The following PVT1 variants were observed in gnomAD, a reference collection of about 807,000 sequenced individuals.
PVT1 encodes CXCR4/PVT1 fusion.
intron 2 of PVT1, among the ~76,000 whole-genome samples, chr8:127,859,020 C>T (rs1437353185): frequency 6.6e-6 from 1 of 151,808 alleles, no homozygotes; most frequent in East Asian, 1.9e-4. Context: ...GTTGCCCAGG[C>T]TGGTCTTCAA....
intron 2 of PVT1, chr8:127,855,271 A>G (rs1815148824): frequency 5.0e-6 from 2 of 398,596 alleles, no homozygotes; most frequent in Non-Finnish European, 8.8e-6. Context: ...TTCATCGCTG[A>G]GGTGGATGGA....
chr8:127,914,359 T>C (rs1815953847), intron 3 of PVT1, among the ~76,000 whole-genome samples: 1 of 145,334 alleles, frequency 6.9e-6, no homozygotes, highest in Non-Finnish European at 1.5e-5. Flanking sequence ...TGTACATTGC[T>C]GGTAGGAATG....
chr8:127,800,677 A>G (rs950505434), intron 2 of PVT1, among the ~76,000 whole-genome samples: 1 of 151,898 alleles, frequency 6.6e-6, no homozygotes, highest in African/African-American at 2.4e-5. Context: ...TCTCCCACTA[A>G]ATTGTAACCC....
intron 2 of PVT1, among the ~76,000 whole-genome samples, chr8:127,889,916 G>T (rs1239792693): frequency 1.3e-5 from 2 of 152,176 alleles, no homozygotes; most frequent in Non-Finnish European, 2.9e-5. Context: ...CCAGCCCTAG[G>T]CATTGTGGAT....
At chr8:128,006,059 C>A (rs181761156) in intron 4 of PVT1, among the ~76,000 whole-genome samples, 1 of 150,496 alleles carries the variant, frequency 6.6e-6, no homozygotes, top group Non-Finnish European at 1.5e-5. Context: ...GCTGAGATTG[C>A]GCCACTGCAC....
intron 4 of PVT1, among the ~76,000 whole-genome samples, chr8:128,047,627 G>A (rs1474618775): frequency 1.3e-5 from 2 of 152,282 alleles, no homozygotes; most frequent in African/African-American, 4.8e-5. Flanking sequence ...AGAAACACAT[G>A]CATGATGAGA....
rs777551571 is a variant in PVT1 at position 128,008,885 on chromosome 8, GC to G, written n.912+19595del. 20 of 515,570 alleles carry G rather than the reference GC, an allele frequency of 3.9e-5. No homozygotes were observed. The East Asian group carries it at 1.1e-3, about 27-fold the overall frequency. The allele number at this position is 515,570 out of a possible 1,614,324, so 31.9% of individuals were successfully genotyped here. On this transcript the variant is annotated intron_variant and non_coding_transcript_variant, in intron 4 of 10. Transcript: ENST00000651587. ...CTAGAAGCTATGGTCAGGCTTACAT[GC>G]TTTTTTCATATCAGTGTTCATGTAG... is the stretch of plus-strand genomic sequence containing the variant.
At chr8:128,057,769 C>G (rs796798717) in intron 4 of PVT1, among the ~76,000 whole-genome samples, 6 of 152,262 alleles carry the variant, frequency 3.9e-5, no homozygotes, top group East Asian at 3.9e-4. Flanking sequence ...AAATCTCCCC[C>G]ACGGTGTGTG....
chr8:128,099,799 C>T (rs922124286), intron 6 of PVT1: 2 of 151,208 alleles, frequency 1.3e-5, no homozygotes, highest in African/African-American at 4.9e-5. Flanking sequence ...CTAGAACGTT[C>T]TTTTAAAACT....
At chr8:127,976,291 C>G (rs972792299) in intron 3 of PVT1, among the ~76,000 whole-genome samples, 2 of 152,186 alleles carry the variant, frequency 1.3e-5, no homozygotes, top group Non-Finnish European at 2.9e-5. Context: ...CTGCCTCTGA[C>G]TTGCCAGGTG....
chr8:127,948,167 G>A (rs925175990), intron 3 of PVT1: 1 of 365,718 alleles, frequency 2.7e-6, no homozygotes, highest in African/African-American at 2.1e-5. Context: ...CCCTGACAAA[G>A]GGATACAGTA....
At chr8:128,038,893 GGT>G (rs1813495496) in intron 4 of PVT1, among the ~76,000 whole-genome samples, 1 of 152,062 alleles carries the variant, frequency 6.6e-6, no homozygotes, top group Non-Finnish European at 1.5e-5. Context: ...TAGGAAACAT[GGT>G]AATTCCTCTC....
chr8:128,090,141 A>T (rs1814332352), intron 5 of PVT1, among the ~76,000 whole-genome samples: 1 of 152,190 alleles, frequency 6.6e-6, no homozygotes. Context: ...GTGGGGAGAT[A>T]CTTTGCAGAG....
At chr8:127,953,168 G>A (rs1816528109) in intron 3 of PVT1, among the ~76,000 whole-genome samples, 1 of 152,232 alleles carries the variant, frequency 6.6e-6, no homozygotes, top group African/African-American at 2.4e-5. Flanking sequence ...TGAACTGATG[G>A]TTATGGCACA....
At chr8:127,848,774 G>A (rs564077559) in intron 2 of PVT1, among the ~76,000 whole-genome samples, 3 of 152,334 alleles carry the variant, frequency 2.0e-5, no homozygotes, top group African/African-American at 7.2e-5. Context: ...CACCCCTAGT[G>A]CTCCAATAAA....
At chr8:128,018,295 T>C (rs1347463198) in intron 4 of PVT1, among the ~76,000 whole-genome samples, 2 of 152,214 alleles carry the variant, frequency 1.3e-5, no homozygotes, top group East Asian at 1.9e-4. Context: ...TCAGCAGTCA[T>C]GTCATGATTA....
intron 5 of PVT1, among the ~76,000 whole-genome samples, chr8:128,087,323 T>C (rs1015702098): frequency 1.3e-5 from 2 of 152,204 alleles, no homozygotes; most frequent in Non-Finnish European, 2.9e-5. Context: ...TCAGTCTCTT[T>C]AGATGTCTTT....
chr8:127,912,680 A>G (rs1380635101), intron 3 of PVT1, among the ~76,000 whole-genome samples: 1 of 151,920 alleles, frequency 6.6e-6, no homozygotes, highest in Non-Finnish European at 1.5e-5. Flanking sequence ...ATACTGGGTC[A>G]TTTTATATCT....
chr8:128,090,271 T>G (rs1814334005), intron 5 of PVT1, among the ~76,000 whole-genome samples: 1 of 152,242 alleles, frequency 6.6e-6, no homozygotes, highest in Non-Finnish European at 1.5e-5. Flanking sequence ...CACGCAAGAC[T>G]GTCTTTACCT....
Sources: allele counts gnomAD v4.1 joint callset (sites outside exome capture counted in the v4.1 genomes callset), GRCh38; gene constraint gnomAD v4.1.1; transcripts MANE v1.5; gene names NCBI Gene and HGNC (gene_info 2026-07-23, HGNC 2026-07-21).